The following RAB4B variants were observed in gnomAD, a reference collection of about 807,000 sequenced individuals.
The protein encoded by RAB4B is ras-related protein Rab-4B.
RAB4B carries 15 observed loss-of-function variants against 28.3 expected under a neutral mutation model. That is an observed-to-expected ratio of 0.53 (90% CI 0.35 to 0.82). The LOEUF is 0.82. RAB4B is among the 40% of genes least tolerant of loss of function. The pLI, the probability that RAB4B is intolerant of heterozygous loss-of-function variation, is 0.01. For missense variants in RAB4B, 244 were observed against 288.5 expected (o/e 0.85, Z 1.12); for synonymous variants, 108 against 116.3 (o/e 0.93, Z 0.46).
At position 40,786,895 on chromosome 19, in the gene RAB4B, G is replaced by A. The variant is rs2083105084; in HGVS notation, c.574G>A (p.Ala192Thr). 1.2e-6 allele frequency: 2 copies of A among 1,614,046 alleles called. No homozygotes were observed. The highest frequency in any genetic ancestry group is 1.7e-5 in the Admixed American group (1 of 60,004). ...GGGCTCTGGCATTCAGTACGGGGAT[G>A]CGTCCCTCCGCCAGCTTCGGCAGCC... Reference protein sequence around the residue: ...RMGSGIQYGDASLRQLRQPRS... With the variant: ...RMGSGIQYGDTSLRQLRQPRS... Residue 192 changes from alanine to threonine, a missense_variant, in exon 7 of 8, where the codon GCG (alanine) becomes ACG (threonine). Physicochemically the swap from Ala to Thr is moderately conservative, Grantham distance 58. Transcript: ENST00000357052.
At chr19:40,779,505 A>T (rs550484182) in intron 1 of RAB4B, 53 of 165,896 alleles carry the variant, frequency 3.2e-4, no homozygotes, top group Non-Finnish European at 5.2e-4. Flanking sequence ...GCACTTTGGG[A>T]GGCTGAGGCA....
At position 40,783,957 on chromosome 19, in the gene RAB4B, G is replaced by A. The variant is rs769866358; in HGVS notation, c.312G>A (p.Thr104=). 5 of 1,613,230 alleles carry A rather than the reference G, an allele frequency of 3.1e-6. No homozygotes were observed. The Admixed American group carries it at 5.0e-5, about 16-fold the overall frequency. The change falls in exon 5 of 8, where the codon ACG becomes ACA. Residue 104 remains threonine, a synonymous_variant. Transcript: ENST00000357052. The part of the protein sequence containing the change: ...ETYNSLAAWL[T]DARTLASPNI... ...ACAACTCACTGGCTGCCTGGCTGAC[G>A]GATGCCCGCACCCTGGCCAGCCCCA... is the stretch of plus-strand genomic sequence containing the variant.
At position 40,786,771 on chromosome 19, in the gene RAB4B, G is replaced by A. The variant is rs150669849; in HGVS notation, c.526+11G>A. On this transcript the variant is annotated intron_variant, in intron 6 of 7. Transcript: ENST00000357052. The stretch of plus-strand genomic sequence containing the variant: ...ACAAGATTGACTCAGGTGAGGCCCC[G>A]ACCGGCCCGAGTGGGAGCGAAGGGC... The A allele has an allele frequency of 0.018, 29,062 of 1,614,056 alleles. 323 individuals carry two copies. The highest frequency in any genetic ancestry group is 0.021 in the Non-Finnish European group (24,212 of 1,179,974).
intron 7 of RAB4B, among the ~76,000 whole-genome samples, chr19:40,793,229 T>C (rs1262899975): frequency 2.0e-5 from 3 of 151,874 alleles, no homozygotes. Context: ...CAATATGATA[T>C]TCTTTTCCTT....
chr19:40,787,384 A>T (rs190032613), intron 7 of RAB4B, among the ~76,000 whole-genome samples: 43 of 151,962 alleles, frequency 2.8e-4, no homozygotes, highest in Non-Finnish European at 5.0e-4. Context: ...AACATACAAA[A>T]ATTAGCTGGG....
At chr19:40,785,322 AGAGT>A (rs2083087882) in intron 5 of RAB4B, among the ~76,000 whole-genome samples, 1 of 138,040 alleles carries the variant, frequency 7.2e-6, no homozygotes, top group East Asian at 2.1e-4. Context: ...CCTGTGTAAC[AGAGT>A]GAGACCCTGC....
chr19:40,778,885 CG>C, intron 1 of RAB4B, among the ~76,000 whole-genome samples: 1 of 151,966 alleles, frequency 6.6e-6, no homozygotes, highest in Admixed American at 6.6e-5. Flanking sequence ...AGAATGGAGC[CG>C]GGTTCTGGGC....
chr19:40,778,829 TG>T (rs2083020764), intron 1 of RAB4B, among the ~76,000 whole-genome samples: 2 of 151,848 alleles, frequency 1.3e-5, no homozygotes, highest in Admixed American at 1.3e-4. Context: ...GGGCTGTCCT[TG>T]AGTTAGGGGC....
In RAB4B at chr19:40,783,918, C is replaced by G. The variant is rs745399871; in HGVS notation, c.276-3C>G. The G allele has an allele frequency of 6.2e-7, 1 of 1,602,182 alleles. No homozygotes were observed. The highest frequency in any genetic ancestry group is 1.1e-5 in the South Asian group (1 of 90,308). On this transcript the variant is annotated splice_polypyrimidine_tract_variant and splice_region_variant and intron_variant, in intron 4 of 7. Transcript: ENST00000357052. ...GCCTCCCTCCCTTCTCCCTTCTCCA[C>G]AGCCGGGAGACATACAACTCACTGG...
chr19:40,783,627 A>C, intron 3 of RAB4B, 151 bp from the exon 4 acceptor site: 1 of 554,578 alleles, frequency 1.8e-6, no homozygotes, highest in Non-Finnish European at 2.9e-6. Flanking sequence ...AGAGAGAGGA[A>C]TTGCATGGTG....
chr19:40,783,918 C>T lies in RAB4B; in HGVS notation c.276-3C>T, dbSNP rs745399871. On this transcript the variant is annotated splice_polypyrimidine_tract_variant and splice_region_variant and intron_variant, in intron 4 of 7. Coordinates refer to ENST00000357052, the MANE Select transcript of RAB4B (RefSeq NM_016154.5). The stretch of plus-strand genomic sequence containing the variant: ...GCCTCCCTCCCTTCTCCCTTCTCCA[C>T]AGCCGGGAGACATACAACTCACTGG... The T allele has an allele frequency of 1.9e-6, 3 of 1,602,064 alleles. No individual in the cohort carries two copies. Among genetic ancestry groups the T allele is most frequent in the African/African-American group, 2.7e-5 (2 of 74,770 alleles).
chr19:40,780,351 C>A, intron 2 of RAB4B, 34 bp from the exon 3 acceptor site: 1 of 1,558,462 alleles, frequency 6.4e-7, no homozygotes. Context: ...CTCCTCTCTC[C>A]CTGTACTGCC....
intron 7 of RAB4B, among the ~76,000 whole-genome samples, chr19:40,789,259 A>G (rs901483908): frequency 5.9e-5 from 9 of 151,268 alleles, no homozygotes; most frequent in African/African-American, 1.7e-4. Flanking sequence ...CTGGAGTGCA[A>G]TGGCGCGATC....
intron 2 of RAB4B, 100 bp downstream of exon 2, chr19:40,780,199 A>T: frequency 1.3e-6 from 2 of 1,542,616 alleles, no homozygotes; most frequent in Non-Finnish European, 1.8e-6. Context: ...GGCCATAGGT[A>T]CAAGTCCAGT....
chr19:40,790,433 C>G (rs1249471723), intron 7 of RAB4B, among the ~76,000 whole-genome samples: 1 of 151,216 alleles, frequency 6.6e-6, no homozygotes, highest in Non-Finnish European at 1.5e-5. Context: ...TGCAGTGGCG[C>G]GATCTTGGCT....
intron 7 of RAB4B, among the ~76,000 whole-genome samples, chr19:40,789,356 C>T (rs984963476): frequency 1.3e-5 from 2 of 151,752 alleles, no homozygotes; most frequent in African/African-American, 4.8e-5. Flanking sequence ...GCATGTGCCA[C>T]CACACCCAGC....
chr19:40,783,443 A>G (rs2083069484), intron 3 of RAB4B, among the ~76,000 whole-genome samples: 1 of 152,100 alleles, frequency 6.6e-6, no homozygotes, highest in South Asian at 2.1e-4. Context: ...AAGACCATCA[A>G]AAAAATAAAA....
Position 40,783,902 on chromosome 19 carries a change from C to T in RAB4B, c.276-19C>T. ...GTTCCTCTCCTGCACTGCCTCCCTCCCTTCTCCCTTCTCCACAGCCGGGAG... is the reference window on the plus strand; with the variant it reads ...GTTCCTCTCCTGCACTGCCTCCCTCTCTTCTCCCTTCTCCACAGCCGGGAG... On this transcript the variant is annotated intron_variant, in intron 4 of 7. Coordinates refer to ENST00000357052, the MANE Select transcript of RAB4B (RefSeq NM_016154.5). 3.1e-6 allele frequency: 5 copies of T among 1,594,236 alleles called. No homozygotes were observed. The South Asian group carries it at 3.4e-5, about 11-fold the overall frequency.
Position 40,780,011 on chromosome 19 carries a change from C to G in RAB4B, c.17-8C>G. The G allele has an allele frequency of 6.2e-7, 1 of 1,612,252 alleles. No individual in the cohort carries two copies. The highest frequency in any genetic ancestry group is 8.5e-7 in the Non-Finnish European group (1 of 1,178,274). ...TGGGTATCCCTGATTTTGGCTCCAT[C>G]TGGTCAGACTTCCTCTTCAAATTCC... is the stretch of plus-strand genomic sequence containing the variant. On this transcript the variant is annotated splice_polypyrimidine_tract_variant and splice_region_variant and intron_variant, in intron 1 of 7. Coordinates refer to ENST00000357052, the MANE Select transcript of RAB4B (RefSeq NM_016154.5).
Sources: gnomAD v4.1 joint callset for allele counts (sites outside exome capture counted in the v4.1 genomes callset) on GRCh38, gnomAD v4.1.1 for gene constraint, MANE v1.5 for transcripts, NCBI Gene and HGNC (gene_info 2026-07-23, HGNC 2026-07-21) for gene names.